Variants in ARL15 observed in about 807,000 individuals in gnomAD.
The protein encoded by ARL15 is ARF like GTPase 15.
In ARL15, 19 loss-of-function variants were observed where a neutral mutation model predicts 25.2. The observed-to-expected ratio is 0.75, with a 90% CI of 0.53 to 1.10. The LOEUF is 1.10. ARL15 is among the 50% of genes least tolerant of loss of function. The pLI is 0.00. For missense variants in ARL15, 220 were observed against 246.0 expected (o/e 0.89, Z 0.71); for synonymous variants, 94 against 86.8 (o/e 1.08, Z -0.46).
intron 4 of ARL15, among the ~76,000 whole-genome samples, chr5:53,921,774 A>G (rs971173185): frequency 7.2e-5 from 11 of 152,194 alleles, no homozygotes; most frequent in African/African-American, 2.7e-4. Flanking sequence ...CCTGTCTCAA[A>G]ACAAAACAAA....
intron 2 of ARL15, among the ~76,000 whole-genome samples, chr5:54,158,532 T>G (rs528764567): frequency 6.0e-4 from 92 of 152,316 alleles, no homozygotes; most frequent in Non-Finnish European, 9.1e-4. Context: ...ATTTCCTAAT[T>G]TAGCTGCTAT....
intron 4 of ARL15, among the ~76,000 whole-genome samples, chr5:54,060,071 A>T (rs1751015361): frequency 1.4e-5 from 2 of 142,498 alleles, no homozygotes; most frequent in Admixed American, 1.4e-4. Context: ...AATTATGGGG[A>T]CTGGTCTTTT....
chr5:54,123,665 C>T (rs1265384945), intron 3 of ARL15, among the ~76,000 whole-genome samples: 2 of 152,116 alleles, frequency 1.3e-5, no homozygotes, highest in Non-Finnish European at 2.9e-5. Context: ...TACACAATTA[C>T]TATATATTAA....
At chr5:54,281,467 T>C (rs773885749) in intron 1 of ARL15, among the ~76,000 whole-genome samples, 5 of 152,156 alleles carry the variant, frequency 3.3e-5, no homozygotes, top group Admixed American at 6.5e-5. Flanking sequence ...CTCCACTGCT[T>C]TAGAACAGTT....
chr5:54,286,241 A>G (rs1758177671), intron 1 of ARL15: 1 of 152,234 alleles, frequency 6.6e-6, no homozygotes, highest in Non-Finnish European at 1.5e-5. Flanking sequence ...TAATCTACCC[A>G]AAGAGAAACA....
At chr5:54,112,766 T>C (rs1457204762) in intron 4 of ARL15, among the ~76,000 whole-genome samples, 1 of 152,142 alleles carries the variant, frequency 6.6e-6, no homozygotes, top group Admixed American at 6.5e-5. Flanking sequence ...GATTACAGAA[T>C]AGGATCCATT....
chr5:54,112,120 T>C lies in ARL15; in HGVS notation c.462+1082A>G, dbSNP rs187278952. Reference sequence around the variant, plus strand: ...CTGTTGAATAATGGGTCCTTGCCTTTCTTTTTTTTAAACTGTGTTTCTAAA... The same window carrying C: ...CTGTTGAATAATGGGTCCTTGCCTTCCTTTTTTTTAAACTGTGTTTCTAAA... On this transcript the variant is annotated intron_variant, in intron 4 of 4. Coordinates refer to ENST00000504924, the MANE Select transcript of ARL15 (RefSeq NM_019087.3). 1.6e-3 allele frequency among the ~76,000 whole-genome samples: 249 copies of C among 152,324 alleles called. 2 individuals are homozygous for C. Among genetic ancestry groups the C allele is most frequent in the Admixed American group, 8.1e-3 (124 of 15,300 alleles).
At chr5:54,151,532 A>G (rs550406669) in intron 3 of ARL15, among the ~76,000 whole-genome samples, 16 of 152,316 alleles carry the variant, frequency 1.1e-4, no homozygotes, top group African/African-American at 3.8e-4. Flanking sequence ...AGTGAACAGT[A>G]AGAAAACACC....
intron 4 of ARL15, among the ~76,000 whole-genome samples, chr5:53,968,805 G>A (rs1039129454): frequency 2.0e-5 from 3 of 151,340 alleles, no homozygotes; most frequent in African/African-American, 7.3e-5. Flanking sequence ...CACCGCTCCC[G>A]GCCCGATATA....
chr5:54,280,789 A>T, intron 1 of ARL15, among the ~76,000 whole-genome samples: 1 of 152,228 alleles, frequency 6.6e-6, no homozygotes, highest in East Asian at 1.9e-4. Context: ...AAAAGTAAGT[A>T]TCACTATATT....
chr5:54,240,096 G>A (rs1202331225), intron 1 of ARL15, among the ~76,000 whole-genome samples: 2 of 151,694 alleles, frequency 1.3e-5, no homozygotes, highest in Non-Finnish European at 2.9e-5. Context: ...GTGTGGTGGC[G>A]GGCACCTGTA....
At chr5:54,150,971 G>C (rs985923716) in intron 3 of ARL15, among the ~76,000 whole-genome samples, 7 of 152,118 alleles carry the variant, frequency 4.6e-5, no homozygotes, top group African/African-American at 1.7e-4. Flanking sequence ...TGGGTAAAGT[G>C]CTGTAGGTGT....
chr5:54,179,905 C>A (rs1365576268), intron 1 of ARL15, among the ~76,000 whole-genome samples: 1 of 151,572 alleles, frequency 6.6e-6, no homozygotes, highest in Admixed American at 6.6e-5. Context: ...GTAGTCCCAG[C>A]TACTCAGGAG....
chr5:54,167,106 T>G (rs796575538), intron 2 of ARL15, among the ~76,000 whole-genome samples: 6 of 152,328 alleles, frequency 3.9e-5, no homozygotes, highest in African/African-American at 1.4e-4. Context: ...ATCTGGTGAT[T>G]ACAGGCATAG....
Position 53,886,363 on chromosome 5 carries a change from T to C in ARL15, c.*198A>G, listed in dbSNP as rs1744525173. 1.8e-6 allele frequency: 1 copy of C among 562,344 alleles called. No homozygotes were observed. The highest frequency in any genetic ancestry group is 3.4e-5 in the Admixed American group (1 of 29,708). The allele number at this position is 562,344 out of a possible 1,614,324, so 34.8% of individuals were successfully genotyped here. A position where few individuals can be genotyped will look rare whatever the true frequency, so the allele number is the denominator to read the frequency against. On this transcript the variant is annotated 3_prime_UTR_variant, in exon 5 of 5. Coordinates refer to ENST00000504924, the MANE Select transcript of ARL15 (RefSeq NM_019087.3). ...CAGAGAATAAATTCTCTCTCAGTAG[T>C]GTGTACTTGACGTTAATGCCGATGA... is the stretch of plus-strand genomic sequence containing the variant.
chr5:53,972,639 T>C (rs576140912), intron 4 of ARL15, among the ~76,000 whole-genome samples: 81 of 152,152 alleles, frequency 5.3e-4, no homozygotes, highest in Admixed American at 9.2e-4. Flanking sequence ...AACATTATAA[T>C]TATGACTTTC....
intron 1 of ARL15, chr5:54,282,563 T>C (rs956267077): frequency 1.0e-6 from 1 of 984,918 alleles, no homozygotes; most frequent in African/African-American, 1.7e-5. Context: ...CTTTGTCCTC[T>C]AATACAAGAG....
intron 4 of ARL15, among the ~76,000 whole-genome samples, chr5:54,036,240 T>A (rs918116484): frequency 2.0e-5 from 3 of 152,112 alleles, no homozygotes; most frequent in Non-Finnish European, 4.4e-5. Context: ...AAATGAAATA[T>A]CCCTCATGTA....
chr5:54,298,003 G>C (rs1454744625), intron 1 of ARL15, among the ~76,000 whole-genome samples: 1 of 152,208 alleles, frequency 6.6e-6, no homozygotes, highest in African/African-American at 2.4e-5. Flanking sequence ...GGATGGTCTC[G>C]ATCTCCTGAC....
Sources: allele counts gnomAD v4.1 joint callset (sites outside exome capture counted in the v4.1 genomes callset), GRCh38; gene constraint gnomAD v4.1.1; transcripts MANE v1.5; gene names NCBI Gene and HGNC (gene_info 2026-07-23, HGNC 2026-07-21).